Variants in PCDHA3 observed in about 807,000 individuals in gnomAD.
The protein encoded by PCDHA3 is protocadherin alpha 3, also known as protocadherin alpha-3.
A neutral mutation model predicts 62.2 loss-of-function variants in PCDHA3; 41 were observed. That is an observed-to-expected ratio of 0.66 (90% CI 0.51 to 0.86). PCDHA3 has a LOEUF of 0.86. PCDHA3 is among the 40% of genes least tolerant of loss of function. The pLI, the probability that PCDHA3 is intolerant of heterozygous loss-of-function variation, is 0.00. For missense variants in PCDHA3, 1,304 were observed against 1,241.2 expected, an observed-to-expected ratio of 1.05 and a Z score of -0.76; for synonymous variants, 640 against 555.4, an observed-to-expected ratio of 1.15 and a Z score of -2.14.
intron 1 of PCDHA3, chr5:140,875,520 C>T: frequency 1.2e-6 from 2 of 1,614,004 alleles, no homozygotes; most frequent in Non-Finnish European, 1.7e-6. Flanking sequence ...GTCTGCTGCT[C>T]TCGCTTCTGC....
Position 140,870,220 on chromosome 5 carries a change from G to A in PCDHA3, c.2394+66629G>A, listed in dbSNP as rs199741132. 3.2e-5 allele frequency: 52 copies of A among 1,614,042 alleles called. No individual in the cohort carries two copies. The highest frequency in any genetic ancestry group is 2.7e-5 in the Non-Finnish European group (32 of 1,180,040). ...CAGCACGGTCATTGCCCTGATCAGC[G>A]TGTCTGACCGTGACTCAGGTGTCAA... On this transcript the variant is annotated intron_variant, in intron 1 of 3. Transcript: ENST00000522353.
chr5:140,848,500 T>A, intron 1 of PCDHA3: 2 of 1,585,030 alleles, frequency 1.3e-6, no homozygotes, highest in Non-Finnish European at 1.7e-6. Flanking sequence ...TTTGAAATGT[T>A]ATACTCAAGT....
chr5:140,876,761 G>C (rs1554168887), intron 1 of PCDHA3: 2 of 1,614,238 alleles, frequency 1.2e-6, no homozygotes, highest in East Asian at 2.2e-5. Context: ...GCGCGGGATG[G>C]GGGCTCGCCT....
At chr5:140,872,211 T>C (rs2053549148) in intron 1 of PCDHA3, among the ~76,000 whole-genome samples, 1 of 152,218 alleles carries the variant, frequency 6.6e-6, no homozygotes, top group South Asian at 2.1e-4. Flanking sequence ...ATTCATTATA[T>C]ATGAAACAAT....
chr5:140,861,533 C>T (rs890249596), intron 1 of PCDHA3: 6 of 446,700 alleles, frequency 1.3e-5, no homozygotes, highest in South Asian at 7.2e-5. Context: ...TCTCGGAGTG[C>T]AGCATCCACC....
At position 140,850,250 on chromosome 5, in the gene PCDHA3, G is replaced by C; in HGVS notation, c.2394+46659G>C. Reference sequence around the variant, plus strand: ...TGAGCGAGATGGTGCTGCGGTCGGTGGGCGCCGGCGTAGTGGTGGGGAAGG... The same window carrying C: ...TGAGCGAGATGGTGCTGCGGTCGGTCGGCGCCGGCGTAGTGGTGGGGAAGG... On this transcript the variant is annotated intron_variant, in intron 1 of 3. Transcript: ENST00000522353. The C allele has an allele frequency of 1.9e-6, 3 of 1,594,024 alleles. 1 individual carries two copies. Among genetic ancestry groups the C allele is most frequent in the Non-Finnish European group, 2.6e-6 (3 of 1,167,182 alleles).
Position 140,802,552 on chromosome 5 carries a change from C to T in PCDHA3, c.1355C>T (p.Ala452Val), listed in dbSNP as rs1762943927. 4 of 1,614,080 alleles carry T rather than the reference C, an allele frequency of 2.5e-6. No individual in the cohort carries two copies. Among genetic ancestry groups the T allele is most frequent in the African/African-American group, 1.3e-5 (1 of 74,950 alleles). Residue 452 changes from alanine (A) to valine (V), a missense_variant, in exon 1 of 4, where the codon GCG (alanine) becomes GTG (valine). Coordinates refer to ENST00000522353, the MANE Select transcript of PCDHA3 (RefSeq NM_018906.3). Reference protein sequence around the residue: ...SVEVADVNDNAPAFSQSEYTV... With the variant: ...SVEVADVNDNVPAFSQSEYTV... ...GAGGTGGCCGACGTGAACGACAATG[C>T]GCCGGCATTCTCGCAGTCCGAGTAC...
chr5:140,826,209 A>G (rs1474766554), intron 1 of PCDHA3, among the ~76,000 whole-genome samples: 1 of 152,256 alleles, frequency 6.6e-6, no homozygotes, highest in Non-Finnish European at 1.5e-5. Flanking sequence ...CACATTTTAA[A>G]AAATCAAGTT....
chr5:140,807,030 A>C (rs1460572101), intron 1 of PCDHA3: 2 of 890,730 alleles, frequency 2.2e-6, no homozygotes, highest in Admixed American at 2.5e-5. Context: ...AGAAGGAGGA[A>C]GAAGGGAAAA....
chr5:140,862,513 A>G, intron 1 of PCDHA3: 1 of 408,216 alleles, frequency 2.4e-6, no homozygotes, highest in Non-Finnish European at 4.9e-6. Context: ...ACTCGCTTTC[A>G]TTGTTGGCCA....
chr5:140,877,632 G>A (rs2057247482), intron 1 of PCDHA3: 2 of 1,613,768 alleles, frequency 1.2e-6, no homozygotes, highest in East Asian at 4.5e-5. Context: ...TGTACACTGC[G>A]CTGCGTTGCT....
chr5:140,842,180 A>G lies in PCDHA3; in HGVS notation c.2394+38589A>G, dbSNP rs199588480. ...ATATTCTTTTAATAGCCTTGTTGAA[A>G]CTATGGTTATTGACCACTTTAGCAT... On this transcript the variant is annotated intron_variant, in intron 1 of 3. Coordinates refer to ENST00000522353, the MANE Select transcript of PCDHA3 (RefSeq NM_018906.3). The G allele has an allele frequency of 3.0e-4, 482 of 1,613,200 alleles. 6 individuals are homozygous for G. Among genetic ancestry groups the G allele is most frequent in the African/African-American group, 2.2e-3 (168 of 74,850 alleles).
intron 1 of PCDHA3, among the ~76,000 whole-genome samples, chr5:140,924,989 C>T (rs782768303): frequency 7.9e-5 from 12 of 151,328 alleles, no homozygotes; most frequent in Admixed American, 1.3e-4. Context: ...GTCTGTAATC[C>T]TAGCACTTTA....
chr5:140,924,926 T>A (rs1554202369), intron 1 of PCDHA3, among the ~76,000 whole-genome samples: 1 of 119,426 alleles, frequency 8.4e-6, no homozygotes, highest in African/African-American at 3.1e-5. Flanking sequence ...TAAAATAAAA[T>A]AAAATAAAAT....
At chr5:140,812,491 A>G (rs1765118716) in intron 1 of PCDHA3, 2 of 152,004 alleles carry the variant, frequency 1.3e-5, no homozygotes. Context: ...AATCTTTATT[A>G]TAGTATTTCC....
intron 1 of PCDHA3, chr5:140,856,142 T>G (rs1554148241): frequency 6.3e-7 from 1 of 1,598,118 alleles, no homozygotes; most frequent in East Asian, 2.2e-5. Flanking sequence ...CCAGCTCCAC[T>G]ACTCAGTCTA....
chr5:140,887,246 G>A (rs1346055055), intron 1 of PCDHA3, among the ~76,000 whole-genome samples: 2 of 151,778 alleles, frequency 1.3e-5, no homozygotes, highest in Non-Finnish European at 2.9e-5. Flanking sequence ...ACCGGCGCCC[G>A]CCACCACGCC....
At chr5:140,836,507 C>T (rs1412547967) in intron 1 of PCDHA3, 3 of 1,613,748 alleles carry the variant, frequency 1.9e-6, no homozygotes, top group Non-Finnish European at 2.5e-6. Flanking sequence ...GCGCGGTGTC[C>T]AGTCTGTTGG....
intron 1 of PCDHA3, chr5:140,876,687 C>T: frequency 6.2e-7 from 1 of 1,614,212 alleles, no homozygotes; most frequent in Non-Finnish European, 8.5e-7. Flanking sequence ...AGAATTACTA[C>T]TCGTTGGTGC....
Sources: allele counts gnomAD v4.1 joint callset (sites outside exome capture counted in the v4.1 genomes callset), GRCh38; gene constraint gnomAD v4.1.1; transcripts MANE v1.5; gene names NCBI Gene and HGNC (gene_info 2026-07-23, HGNC 2026-07-21).